The following SCAI variants were observed in gnomAD, a reference collection of about 807,000 sequenced individuals.
SCAI encodes suppressor of cancer cell invasion.
Under a neutral mutation model 92.2 loss-of-function variants are expected in SCAI, and 24 were observed. The observed-to-expected ratio is 0.26, with a 90% CI of 0.19 to 0.37. SCAI has a LOEUF of 0.37. Ranked by LOEUF, SCAI falls within the 10% of genes least tolerant of loss-of-function variation. The probability of loss-of-function intolerance (pLI) is 1.00; values close to 1 mark genes in which losing one functional copy is unlikely to be tolerated. For synonymous variants in SCAI, 261 were observed against 258.6 expected (o/e 1.01, Z -0.09); for missense variants, 450 against 736.2 (o/e 0.61, Z 4.50).
intron 2 of SCAI, among the ~76,000 whole-genome samples, chr9:125,077,798 A>G (rs1265315984): frequency 2.6e-5 from 4 of 152,134 alleles, no homozygotes; most frequent in Non-Finnish European, 5.9e-5. Context: ...GGCTCACTAC[A>G]ACCTCTGCCT....
chr9:125,137,988 C>T (rs1254292460), intron 2 of SCAI, among the ~76,000 whole-genome samples: 1 of 152,160 alleles, frequency 6.6e-6, no homozygotes, highest in African/African-American at 2.4e-5. Flanking sequence ...CATTTTACTC[C>T]AGAAAACTCA....
chr9:124,955,563 G>C (rs1831303245), intron 17 of SCAI, among the ~76,000 whole-genome samples: 1 of 152,090 alleles, frequency 6.6e-6, no homozygotes, highest in South Asian at 2.1e-4. Context: ...AGAGGTTGCA[G>C]TGAGCTGAGA....
chr9:125,035,270 G>T (rs1175782922), intron 3 of SCAI, among the ~76,000 whole-genome samples: 1 of 151,948 alleles, frequency 6.6e-6, no homozygotes, highest in African/African-American at 2.4e-5. Context: ...AAGGAGAATC[G>T]TTAGAGTCCA....
chr9:125,016,938 T>C (rs1453610860), intron 9 of SCAI, among the ~76,000 whole-genome samples: 1 of 152,130 alleles, frequency 6.6e-6, no homozygotes, highest in Non-Finnish European at 1.5e-5. Flanking sequence ...ATAGCGTAGA[T>C]ACTAATAAAT....
At chr9:125,004,288 C>T (rs1832426860) in intron 9 of SCAI, among the ~76,000 whole-genome samples, 1 of 151,158 alleles carries the variant, frequency 6.6e-6, no homozygotes, top group Non-Finnish European at 1.5e-5. Flanking sequence ...ATGTGAGGGG[C>T]AAGTTTTTCA....
At chr9:125,040,861 C>T (rs1313950471) in intron 3 of SCAI, among the ~76,000 whole-genome samples, 1 of 151,732 alleles carries the variant, frequency 6.6e-6, no homozygotes, top group Non-Finnish European at 1.5e-5. Context: ...TCTTGAACTA[C>T]TGACCTCAAG....
chr9:125,062,228 C>A (rs1833782534), intron 2 of SCAI, among the ~76,000 whole-genome samples: 2 of 151,426 alleles, frequency 1.3e-5, no homozygotes, highest in African/African-American at 4.8e-5. Context: ...CAGGCTCAAG[C>A]CATCCTCCTA....
At chr9:125,063,570 T>C (rs566101915) in intron 2 of SCAI, among the ~76,000 whole-genome samples, 15 of 151,930 alleles carry the variant, frequency 9.9e-5, no homozygotes, top group African/African-American at 3.1e-4. Context: ...GAGTAAAAGA[T>C]TGAAAAGGTT....
intron 2 of SCAI, among the ~76,000 whole-genome samples, chr9:125,119,446 AT>A (rs1388790502): frequency 2.0e-5 from 3 of 152,246 alleles, no homozygotes; most frequent in South Asian, 2.1e-4. Context: ...GTTAAAAAAA[AT>A]AATAATTTAA....
intron 3 of SCAI, among the ~76,000 whole-genome samples, chr9:125,046,196 G>GAGATAT (rs371482525): frequency 5.8e-5 from 3 of 51,868 alleles, no homozygotes; most frequent in African/African-American, 7.5e-5. Flanking sequence ...GAAATTGTGA[G>GAGATAT]ATATATATAT....
intron 3 of SCAI, among the ~76,000 whole-genome samples, chr9:125,042,080 G>C (rs1261288046): frequency 2.0e-5 from 3 of 152,074 alleles, no homozygotes; most frequent in Non-Finnish European, 4.4e-5. Flanking sequence ...GAAATTAATG[G>C]TCCATAGAAT....
At chr9:124,990,805 A>G (rs1297077394) in intron 14 of SCAI, among the ~76,000 whole-genome samples, 1 of 152,128 alleles carries the variant, frequency 6.6e-6, no homozygotes, top group Non-Finnish European at 1.5e-5. Context: ...GTTGCAACAA[A>G]AAGTGGGAGA....
At chr9:125,005,271 TTAAGA>T (rs1406672735) in intron 9 of SCAI, among the ~76,000 whole-genome samples, 1 of 152,192 alleles carries the variant, frequency 6.6e-6, no homozygotes, top group Admixed American at 6.5e-5. Flanking sequence ...AATTATTTAG[TTAAGA>T]TGAGAATAAG....
chr9:124,982,643 G>A (rs1215463643), intron 14 of SCAI, among the ~76,000 whole-genome samples: 1 of 141,750 alleles, frequency 7.1e-6, no homozygotes, highest in Non-Finnish European at 1.5e-5. Context: ...ACATGTCACT[G>A]CATCCCAGCC....
intron 2 of SCAI, among the ~76,000 whole-genome samples, chr9:125,072,745 T>C (rs184250875): frequency 6.6e-6 from 1 of 152,310 alleles, no homozygotes; most frequent in Admixed American, 6.5e-5. Flanking sequence ...GTCGATAGGT[T>C]TGACTACTCT....
chr9:124,959,163 C>T (rs949564765), intron 17 of SCAI, among the ~76,000 whole-genome samples: 4 of 150,222 alleles, frequency 2.7e-5, no homozygotes, highest in Admixed American at 6.6e-5. Context: ...TGCTAAATGA[C>T]GAGTTAATGG....
chr9:125,063,076 T>C (rs1271674674), intron 2 of SCAI, among the ~76,000 whole-genome samples: 3 of 118,912 alleles, frequency 2.5e-5, no homozygotes, highest in East Asian at 5.1e-4. Flanking sequence ...AGTCAAATAA[T>C]AGAATGGTTT....
chr9:124,962,418 G>C (rs906344087), intron 17 of SCAI, among the ~76,000 whole-genome samples: 1 of 152,054 alleles, frequency 6.6e-6, no homozygotes, highest in African/African-American at 2.4e-5. Context: ...GCTGTGGCCT[G>C]CCAAAGTGCT....
chr9:125,039,035 G>GTATA (rs1462800967), intron 3 of SCAI, among the ~76,000 whole-genome samples: 1 of 152,186 alleles, frequency 6.6e-6, no homozygotes, highest in Admixed American at 6.5e-5. Flanking sequence ...CTCTCAGTAT[G>GTATA]TATACTGTGA....
Sources: allele counts gnomAD v4.1 joint callset (sites outside exome capture counted in the v4.1 genomes callset), GRCh38; gene constraint gnomAD v4.1.1; transcripts MANE v1.5; gene names NCBI Gene and HGNC (gene_info 2026-07-23, HGNC 2026-07-21).